The following VWC2L variants were observed in gnomAD, a reference collection of about 807,000 sequenced individuals.
The protein encoded by VWC2L is von Willebrand factor C domain-containing protein 2-like.
Under a neutral mutation model 21.6 loss-of-function variants are expected in VWC2L, and 10 were observed. The observed-to-expected ratio is 0.46, with a 90% CI of 0.29 to 0.78. The LOEUF (loss-of-function observed/expected upper bound fraction) is 0.78, where lower values mean the gene tolerates loss of function less well. Ranked by LOEUF, VWC2L falls within the 30% of genes least tolerant of loss-of-function variation. The pLI is 0.10. For missense variants in VWC2L, 209 were observed against 277.1 expected (o/e 0.75, Z 1.74); for synonymous variants, 96 against 94.3 (o/e 1.02, Z -0.10).
rs545744271 is a variant in VWC2L at position 214,452,284 on chromosome 2, A to G, written c.520+15526A>G. On this transcript the variant is annotated intron_variant, in intron 3 of 3. Transcript: ENST00000312504. The stretch of plus-strand genomic sequence containing the variant: ...GATCCTCCCACCTCAGCCTCCCAGT[A>G]GCTGGGACTACAGATGCACACCACC... Among the ~76,000 whole-genome samples the G allele has an allele frequency of 3.3e-5, 5 of 152,284 alleles. No homozygotes were observed. In the South Asian group the frequency reaches 1.0e-3, roughly 32 times the overall value.
chr2:214,423,567 T>C (rs1192126507), intron 2 of VWC2L, among the ~76,000 whole-genome samples: 1 of 152,130 alleles, frequency 6.6e-6, no homozygotes, highest in Non-Finnish European at 1.5e-5. Flanking sequence ...TCTATAGAAA[T>C]GTGATATCAG....
At chr2:214,491,073 G>C (rs1688739319) in intron 3 of VWC2L, among the ~76,000 whole-genome samples, 1 of 152,144 alleles carries the variant, frequency 6.6e-6, no homozygotes, top group African/African-American at 2.4e-5. Context: ...TTTAGGGAGT[G>C]ATTTAAGGGT....
At chr2:214,556,081 G>A (rs756116508) in intron 3 of VWC2L, among the ~76,000 whole-genome samples, 9 of 152,028 alleles carry the variant, frequency 5.9e-5, no homozygotes, top group South Asian at 2.1e-4. Context: ...AGTTCCTCCC[G>A]TCTCTACTAA....
At chr2:214,430,428 A>C (rs1702582983) in intron 2 of VWC2L, among the ~76,000 whole-genome samples, 1 of 152,154 alleles carries the variant, frequency 6.6e-6, no homozygotes, top group African/African-American at 2.4e-5. Context: ...AAATATTTCA[A>C]CTCTTCTTCT....
chr2:214,494,769 C>T (rs1290365812), intron 3 of VWC2L, among the ~76,000 whole-genome samples: 1 of 148,692 alleles, frequency 6.7e-6, no homozygotes, highest in East Asian at 2.0e-4. Context: ...TTTTTTATAG[C>T]ACTAGGTACT....
chr2:214,475,529 A>T (rs1688503577), intron 3 of VWC2L, among the ~76,000 whole-genome samples: 1 of 152,154 alleles, frequency 6.6e-6, no homozygotes. Flanking sequence ...AGCAAAGGTA[A>T]TGTAACTAGC....
At chr2:214,513,054 G>A (rs1296844387) in intron 3 of VWC2L, among the ~76,000 whole-genome samples, 1 of 152,092 alleles carries the variant, frequency 6.6e-6, no homozygotes, top group Non-Finnish European at 1.5e-5. Context: ...GTTGAAAAAG[G>A]AAAGCTGCAT....
intron 3 of VWC2L, among the ~76,000 whole-genome samples, chr2:214,443,258 G>T (rs1207642351): frequency 1.3e-5 from 2 of 152,034 alleles, no homozygotes; most frequent in Admixed American, 6.6e-5. Flanking sequence ...TGTAATCCCA[G>T]CTACTCAGGA....
chr2:214,488,873 A>C (rs1352031181), intron 3 of VWC2L, among the ~76,000 whole-genome samples: 1 of 152,234 alleles, frequency 6.6e-6, no homozygotes, highest in Admixed American at 6.5e-5. Flanking sequence ...ACCAGTTCTC[A>C]CAGGAACTAA....
At chr2:214,415,295 G>A (rs775366799) in intron 2 of VWC2L, 1 of 151,964 alleles carries the variant, frequency 6.6e-6, no homozygotes, top group Non-Finnish European at 1.5e-5. Context: ...ATCCCTTATT[G>A]AACTTTCTTT....
intron 3 of VWC2L, among the ~76,000 whole-genome samples, chr2:214,494,694 G>A (rs1302596323): frequency 6.6e-6 from 1 of 152,024 alleles, no homozygotes; most frequent in Non-Finnish European, 1.5e-5. Flanking sequence ...AATTAAGCAG[G>A]TGTTGCCTAC....
intron 3 of VWC2L, among the ~76,000 whole-genome samples, chr2:214,565,548 A>T (rs1690049744): frequency 6.6e-6 from 1 of 152,198 alleles, no homozygotes; most frequent in Non-Finnish European, 1.5e-5. Flanking sequence ...TCCACATAGA[A>T]AAGATTTCAC....
At chr2:214,427,484 A>C (rs1329994098) in intron 2 of VWC2L, among the ~76,000 whole-genome samples, 1 of 152,240 alleles carries the variant, frequency 6.6e-6, no homozygotes, top group Non-Finnish European at 1.5e-5. Context: ...TTGAAGTTTC[A>C]TCTCTGTAAA....
intron 3 of VWC2L, among the ~76,000 whole-genome samples, chr2:214,570,458 G>A (rs1408818114): frequency 6.6e-6 from 1 of 152,058 alleles, no homozygotes; most frequent in Non-Finnish European, 1.5e-5. Context: ...CAACTTCCTG[G>A]GCTCAAGAGA....
At chr2:214,415,309 C>G (rs1432288150) in intron 2 of VWC2L, 2 of 152,070 alleles carry the variant, frequency 1.3e-5, no homozygotes, top group African/African-American at 4.8e-5. Context: ...TTTCTTTTCC[C>G]CAATGGCTAG....
At chr2:214,481,716 T>C (rs190566549) in intron 3 of VWC2L, among the ~76,000 whole-genome samples, 1 of 152,266 alleles carries the variant, frequency 6.6e-6, no homozygotes, top group Non-Finnish European at 1.5e-5. Context: ...TCTATAGTCC[T>C]GATGTTAAGC....
At chr2:214,520,067 A>ACACACG (rs1553598706) in intron 3 of VWC2L, among the ~76,000 whole-genome samples, 1 of 150,830 alleles carries the variant, frequency 6.6e-6, no homozygotes, top group Non-Finnish European at 1.5e-5. Context: ...ATACACACAC[A>ACACACG]CACACACACA....
chr2:214,524,640 G>T (rs1470408872), intron 3 of VWC2L, among the ~76,000 whole-genome samples: 1 of 152,186 alleles, frequency 6.6e-6, no homozygotes, highest in Admixed American at 6.5e-5. Context: ...GCAAGTGAGA[G>T]CCACATGGTC....
At position 214,420,379 on chromosome 2, in the gene VWC2L, T is replaced by C. The variant is rs114826340; in HGVS notation, c.390+5796T>C. On this transcript the variant is annotated intron_variant, in intron 2 of 3. Transcript: ENST00000312504. The stretch of plus-strand genomic sequence containing the variant: ...TTCTAGGAGCTGAGGACCAGACTTA[T>C]GAAAGAACAGGGAAAACCAGAGGCT... Among the ~76,000 whole-genome samples, 550 of 152,182 alleles carry C rather than the reference T, an allele frequency of 3.6e-3. 2 individuals are homozygous for C. The highest frequency in any genetic ancestry group is 6.9e-3 in the Non-Finnish European group (466 of 68,016).
Sources: gnomAD v4.1 joint callset for allele counts (sites outside exome capture counted in the v4.1 genomes callset) on GRCh38, gnomAD v4.1.1 for gene constraint, MANE v1.5 for transcripts, NCBI Gene and HGNC (gene_info 2026-07-23, HGNC 2026-07-21) for gene names.